OTUD7A: variants seen among roughly 807,000 people sequenced by gnomAD.
OTUD7A encodes the protein OTU domain-containing protein 7A.
In OTUD7A, 12 loss-of-function variants were observed where a neutral mutation model predicts 65.7. The ratio of observed to expected loss-of-function variants is 0.18; its 90% CI spans 0.12 to 0.30. OTUD7A has a LOEUF of 0.30. OTUD7A is among the 10% of genes least tolerant of loss of function. The probability of loss-of-function intolerance (pLI) is 1.00; values close to 1 mark genes in which losing one functional copy is unlikely to be tolerated. For synonymous variants in OTUD7A, 641 were observed against 586.3 expected, an observed-to-expected ratio of 1.09 and a Z score of -1.35; for missense variants, 1,148 against 1,304.8, an observed-to-expected ratio of 0.88 and a Z score of 1.85.
At chr15:31,493,629 T>C (rs1337206870) in intron 10 of OTUD7A, among the ~76,000 whole-genome samples, 1 of 152,228 alleles carries the variant, frequency 6.6e-6, no homozygotes, top group African/African-American at 2.4e-5. Context: ...TTAGCCAGTC[T>C]GAGTGCATTA....
chr15:31,766,145 A>G, intron 1 of OTUD7A: 1 of 1,459,200 alleles, frequency 6.9e-7, no homozygotes, highest in Non-Finnish European at 9.6e-7. Context: ...GAATTTCCTG[A>G]TCATGATCCA....
At chr15:31,752,506 C>T (rs1031659077) in intron 1 of OTUD7A, among the ~76,000 whole-genome samples, 36 of 152,096 alleles carry the variant, frequency 2.4e-4, no homozygotes, top group African/African-American at 8.7e-4. Flanking sequence ...CTCTAAAATC[C>T]ATTGGTCTAG....
intron 3 of OTUD7A, among the ~76,000 whole-genome samples, chr15:31,581,846 A>G (rs1889382049): frequency 2.0e-5 from 3 of 152,220 alleles, no homozygotes; most frequent in Admixed American, 2.0e-4. Flanking sequence ...GTGATGCCTC[A>G]TTACTTACGG....
At chr15:31,610,617 A>ATTTTTTTTTTTTTTTTTTTTTTT (rs58099939) in intron 3 of OTUD7A, among the ~76,000 whole-genome samples, 1 of 30,560 alleles carries the variant, frequency 3.3e-5, no homozygotes, top group Non-Finnish European at 4.9e-5. Flanking sequence ...ATATATATAT[A>ATTTTTTTTTTTTTTTTTTTTTTT]TTTTTTTTTT....
chr15:31,629,696 G>T (rs1891080594), intron 3 of OTUD7A, among the ~76,000 whole-genome samples: 2 of 152,194 alleles, frequency 1.3e-5, no homozygotes, highest in Admixed American at 1.3e-4. Flanking sequence ...ACCTCTGGTA[G>T]AATTCGGCTG....
chr15:31,727,612 T>C (rs139498301), intron 1 of OTUD7A, among the ~76,000 whole-genome samples: 1 of 152,330 alleles, frequency 6.6e-6, no homozygotes, highest in African/African-American at 2.4e-5. Context: ...ATATCCTTCA[T>C]TCATTCTTCA....
At chr15:31,845,544 T>G (rs1344504976) in intron 1 of OTUD7A, among the ~76,000 whole-genome samples, 1 of 152,210 alleles carries the variant, frequency 6.6e-6, no homozygotes, top group Non-Finnish European at 1.5e-5. Context: ...AGGATCCGGC[T>G]CTGGGCAGGG....
chr15:31,805,901 A>T (rs1487871878), intron 1 of OTUD7A, among the ~76,000 whole-genome samples: 1 of 152,234 alleles, frequency 6.6e-6, no homozygotes, highest in East Asian at 1.9e-4. Context: ...GACAAGAGTA[A>T]TATAAATGTT....
At chr15:31,687,701 C>CT (rs200091642) in intron 1 of OTUD7A, among the ~76,000 whole-genome samples, 9 of 152,156 alleles carry the variant, frequency 5.9e-5, no homozygotes, top group Non-Finnish European at 1.0e-4. Context: ...TCAGTATATG[C>CT]TCCCTTGTGT....
chr15:31,661,685 T>C lies in OTUD7A; in HGVS notation c.-99-4608A>G, dbSNP rs1195720710. Among the ~76,000 whole-genome samples, 3 of 152,170 alleles carry C rather than the reference T, an allele frequency of 2.0e-5. No individual in the cohort carries two copies. In the East Asian group the frequency reaches 5.8e-4, roughly 29 times the overall value. The stretch of plus-strand genomic sequence containing the variant: ...TACTTCCATCTCTCTCTAAGACTCT[T>C]TAAAACATAACCACAGTACCATAAT... On this transcript the variant is annotated intron_variant, in intron 1 of 12. Transcript: ENST00000307050.
chr15:31,789,977 G>A lies in OTUD7A; in HGVS notation c.-100+80530C>T, dbSNP rs149090189. ...AGTTAGAGGTACAGGGTGCCAGAGCGGGGAGACTGGCTGACTAATGCCTAG... is the reference window on the plus strand; with the variant it reads ...AGTTAGAGGTACAGGGTGCCAGAGCAGGGAGACTGGCTGACTAATGCCTAG... On this transcript the variant is annotated intron_variant, in intron 1 of 12. Transcript: ENST00000307050. 9.2e-4 allele frequency among the ~76,000 whole-genome samples: 140 copies of A among 152,298 alleles called. 1 individual carries two copies. The highest frequency in any genetic ancestry group is 3.2e-3 in the African/African-American group (133 of 41,550).
intron 1 of OTUD7A, among the ~76,000 whole-genome samples, chr15:31,740,631 A>G (rs1894318070): frequency 1.3e-5 from 2 of 152,224 alleles, no homozygotes; most frequent in South Asian, 4.1e-4. Context: ...GAGAGGGGGA[A>G]AAAAAACAGA....
At chr15:31,789,996 T>C (rs1317292802) in intron 1 of OTUD7A, among the ~76,000 whole-genome samples, 3 of 152,172 alleles carry the variant, frequency 2.0e-5, no homozygotes, top group Non-Finnish European at 4.4e-5. Flanking sequence ...GGCTGACTAA[T>C]GCCTAGCAAG....
chr15:31,867,923 C>T (rs1281672802), intron 1 of OTUD7A, among the ~76,000 whole-genome samples: 5 of 111,738 alleles, frequency 4.5e-5, no homozygotes, highest in East Asian at 2.9e-4. Flanking sequence ...GGGCGGGGGG[C>T]GGGGGCGGAG....
Position 31,483,587 on chromosome 15 carries a change from CCG to C in OTUD7A, c.2507_2508del (p.Ala836GlyfsTer48). The C allele has an allele frequency of 1.6e-6, 2 of 1,236,832 alleles. No individual in the cohort carries two copies. The highest frequency in any genetic ancestry group is 1.0e-6 in the Non-Finnish European group (1 of 992,934). The allele number at this position is 1,236,832 out of a possible 1,614,324, so 76.6% of individuals were successfully genotyped here. On this transcript the variant is annotated frameshift_variant, in exon 13 of 13. Coordinates refer to ENST00000307050, the MANE Select transcript of OTUD7A (RefSeq NM_001382637.1). LOFTEE classifies it high-confidence loss of function. Reference protein sequence around the residue: ...TVNTVESLARAVPGALPGAAG... With the variant: ...TVNTVESLARXVPGALPGAAG... ...GCCGCGCCCGGTAGGGCCCCGGGCA[CCG>C]CGCGCGCCAGCGACTCGACCGTGTT...
At chr15:31,771,440 T>C (rs775775661) in intron 1 of OTUD7A, among the ~76,000 whole-genome samples, 1 of 152,308 alleles carries the variant, frequency 6.6e-6, no homozygotes, top group African/African-American at 2.4e-5. Flanking sequence ...ATTTACGTGA[T>C]TGCTTAGGTC....
intron 1 of OTUD7A, among the ~76,000 whole-genome samples, chr15:31,717,354 T>C (rs1428634305): frequency 6.6e-6 from 1 of 152,198 alleles, no homozygotes; most frequent in African/African-American, 2.4e-5. Flanking sequence ...ACCCGTCACC[T>C]ACATTAGGTA....
At chr15:31,593,324 C>T (rs1001074012) in intron 3 of OTUD7A, among the ~76,000 whole-genome samples, 3 of 151,998 alleles carry the variant, frequency 2.0e-5, no homozygotes, top group Admixed American at 6.6e-5. Context: ...GACTGAGACA[C>T]GTGCCCAGGT....
At chr15:31,756,627 AACACACACACACACACACAC>A (rs56792926) in intron 1 of OTUD7A, among the ~76,000 whole-genome samples, 44,122 of 138,390 alleles carry the variant, frequency 0.32, 8,106 homozygotes, top group Middle Eastern at 0.47. Context: ...CAGTGTACCC[AACACACACACACACACACAC>A]ACACACACAC....
Sources: allele counts gnomAD v4.1 joint callset (sites outside exome capture counted in the v4.1 genomes callset), GRCh38; gene constraint gnomAD v4.1.1; transcripts MANE v1.5; gene names NCBI Gene and HGNC (gene_info 2026-07-23, HGNC 2026-07-21).